ARHGEF28: variants seen among roughly 807,000 people sequenced by gnomAD.
ARHGEF28 encodes the protein Rho guanine nucleotide exchange factor 28, also known as 190 kDa guanine nucleotide exchange factor.
ARHGEF28 carries 152 observed loss-of-function variants against 206.6 expected under a neutral mutation model. That is an observed-to-expected ratio of 0.74 (90% CI 0.64 to 0.84). ARHGEF28 has a LOEUF of 0.84. ARHGEF28 is among the 40% of genes least tolerant of loss of function. The pLI, the probability that ARHGEF28 is intolerant of heterozygous loss-of-function variation, is 0.00. For synonymous variants in ARHGEF28, 763 were observed against 776.4 expected (o/e 0.98, Z 0.29); for missense variants, 2,028 against 2,073.2 (o/e 0.98, Z 0.42).
chr5:73,752,942 T>C lies in ARHGEF28; in HGVS notation c.215T>C (p.Val72Ala). ...HGLQETVTVS[V>A]CLCSEGYSPV... ...CTTCAGGAGACGGTGACGGTATCTG[T>C]GTGCCTCTGCTCGGAAGGTTACTCT... The change falls in exon 4 of 36, where the codon GTG (valine) becomes GCG (alanine). Residue 72 changes from valine (V) to alanine (A), a missense_variant. Val to Ala is a moderately conservative substitution (Grantham distance 64). Coordinates refer to ENST00000513042, the MANE Select transcript of ARHGEF28 (RefSeq NM_001177693.2). 1 of 1,613,926 alleles carries C rather than the reference T, an allele frequency of 6.2e-7. No individual in the cohort carries two copies. Among genetic ancestry groups the C allele is most frequent in the South Asian group, 1.1e-5 (1 of 91,028 alleles).
At chr5:73,757,881 G>T (rs1393262096) in intron 4 of ARHGEF28, among the ~76,000 whole-genome samples, 2 of 151,956 alleles carry the variant, frequency 1.3e-5, no homozygotes, top group African/African-American at 4.8e-5. Context: ...TTATTTTTTT[G>T]TTTTGGGTTT....
intron 4 of ARHGEF28, among the ~76,000 whole-genome samples, chr5:73,761,301 T>C (rs1283718543): frequency 6.6e-6 from 1 of 152,214 alleles, no homozygotes; most frequent in East Asian, 1.9e-4. Flanking sequence ...GATTTCTTAA[T>C]GGGATTTGAA....
intron 2 of ARHGEF28, among the ~76,000 whole-genome samples, chr5:73,748,126 C>A (rs532952820): frequency 6.6e-6 from 1 of 152,170 alleles, no homozygotes; most frequent in East Asian, 1.9e-4. Flanking sequence ...GCTGTTCTTC[C>A]TTTTTTAGGA....
At chr5:73,661,029 C>A (rs1431172996) in intron 1 of ARHGEF28, among the ~76,000 whole-genome samples, 2 of 152,198 alleles carry the variant, frequency 1.3e-5, no homozygotes, top group Non-Finnish European at 2.9e-5. Context: ...GGCATTGACA[C>A]CTCCTCCTTA....
chr5:73,858,493 AGCTGAT>A (rs1245470560), intron 16 of ARHGEF28, among the ~76,000 whole-genome samples: 1 of 152,096 alleles, frequency 6.6e-6, no homozygotes, highest in African/African-American at 2.4e-5. Flanking sequence ...CTCACCTAAA[AGCTGAT>A]GCTCTCGGCC....
chr5:73,899,124 C>A (rs1177117356), intron 30 of ARHGEF28: 1 of 151,926 alleles, frequency 6.6e-6, no homozygotes, highest in Non-Finnish European at 1.5e-5. Context: ...TTATCTAATC[C>A]TGAGTTTCTA....
chr5:73,786,842 G>A lies in ARHGEF28; in HGVS notation c.910+6097G>A, dbSNP rs181851382. ...ACACACGCCTATGGTGGATTCAATG[G>A]TAAAGATACGTGTTTTGAGATACCA... On this transcript the variant is annotated intron_variant, in intron 7 of 35. Transcript: ENST00000513042. Among the ~76,000 whole-genome samples, 623 of 152,308 alleles carry A rather than the reference G, an allele frequency of 4.1e-3. 6 individuals carry two copies. Among genetic ancestry groups the A allele is most frequent in the Middle Eastern group, 6.8e-3 (2 of 294 alleles).
At chr5:73,811,597 A>C (rs752993842) in intron 9 of ARHGEF28, among the ~76,000 whole-genome samples, 9 of 152,214 alleles carry the variant, frequency 5.9e-5, no homozygotes, top group Non-Finnish European at 1.2e-4. Context: ...ATCCATATGG[A>C]CTAAAACTCT....
chr5:73,911,545 C>T lies in ARHGEF28; in HGVS notation c.4918C>T (p.His1640Tyr), dbSNP rs757446219. The T allele has an allele frequency of 1.2e-6, 2 of 1,610,460 alleles. No individual in the cohort carries two copies. Among genetic ancestry groups the T allele is most frequent in the Non-Finnish European group, 1.7e-6 (2 of 1,178,084 alleles). ...TTCCGGCCATCAGATACTTCCTTTC[C>T]ATGAAAGCAGCAAGGATTCTTGTAA... ...AGSGHQILPF[H>Y]ESSKDSCKND... The change falls in exon 35 of 36, where the codon CAT becomes TAT. Residue 1640 changes from histidine to tyrosine, a missense_variant. His to Tyr is a moderately conservative substitution (Grantham distance 83, BLOSUM62 2). Transcript: ENST00000513042.
chr5:73,670,991 G>C (rs960276799), intron 1 of ARHGEF28, among the ~76,000 whole-genome samples: 1 of 151,684 alleles, frequency 6.6e-6, no homozygotes, highest in African/African-American at 2.4e-5. Context: ...AGCATTCTTA[G>C]CCTTTTTTTT....
rs141973469 is a variant in ARHGEF28 at position 73,874,953 on chromosome 5, C to T, written c.2814+1707C>T. Among the ~76,000 whole-genome samples the T allele has an allele frequency of 2.7e-3, 412 of 152,128 alleles. 11 individuals are homozygous for T. In the East Asian group the frequency reaches 0.072, roughly 27 times the overall value. ...ATATCCAGTGATGGGATGGCTGGGT[C>T]AGATGGTATTTGTAGTTCTAGATCC... On this transcript the variant is annotated intron_variant, in intron 22 of 35. Transcript: ENST00000513042.
At chr5:73,779,863 C>G (rs760775323) in intron 6 of ARHGEF28, among the ~76,000 whole-genome samples, 5 of 152,060 alleles carry the variant, frequency 3.3e-5, no homozygotes, top group African/African-American at 9.7e-5. Context: ...TTTTATATTC[C>G]TTTTACTCCA....
rs1364181337 is a variant in ARHGEF28 at position 73,909,641 on chromosome 5, C to T, written c.4391C>T (p.Ala1464Val). 4.5e-6 allele frequency: 7 copies of T among 1,548,330 alleles called. No individual in the cohort carries two copies. The highest frequency in any genetic ancestry group is 1.4e-5 in the African/African-American group (1 of 73,034). The change falls in exon 34 of 36, where the codon GCG becomes GTG. Residue 1464 changes from alanine (A) to valine (V), a missense_variant. By Grantham distance (64) the Ala-to-Val change is moderately conservative (BLOSUM62 0). This residue lies in a region of ARHGEF28 where 803 missense variants were observed against 768.0 expected (regional missense o/e 1.05). Coordinates refer to ENST00000513042, the MANE Select transcript of ARHGEF28 (RefSeq NM_001177693.2). ...CGCAGGTGTGAGCAGCAGCAGCGGG[C>T]GCAGGCGACCAGGGAGAGCTGGCTG... is the stretch of plus-strand genomic sequence containing the variant. ...WLRRCEQQQR[A>V]QATRESWLQE...
Position 73,776,825 on chromosome 5 carries a change from T to G in ARHGEF28, c.840+129T>G. On this transcript the variant is annotated intron_variant, in intron 6 of 35. Coordinates refer to ENST00000513042, the MANE Select transcript of ARHGEF28 (RefSeq NM_001177693.2). ...TAATGAAACCTTGGGGGACATGAAA[T>G]TGGAAACTGCATTAGATCAGTAGAA... 3 of 693,940 alleles carry G rather than the reference T, an allele frequency of 4.3e-6. No homozygotes were observed. In the South Asian group the frequency reaches 1.0e-4, roughly 23 times the overall value. The allele number at this position is 693,940 out of a possible 1,614,324, so 43.0% of individuals were successfully genotyped here.
chr5:73,758,456 C>T (rs1029321426), intron 4 of ARHGEF28, among the ~76,000 whole-genome samples: 5 of 152,204 alleles, frequency 3.3e-5, no homozygotes, highest in Non-Finnish European at 5.9e-5. Flanking sequence ...TTCATGTGAT[C>T]AAAGGTCTCC....
chr5:73,928,994 G>A (rs970210609), intron 35 of ARHGEF28, among the ~76,000 whole-genome samples: 10 of 151,994 alleles, frequency 6.6e-5, no homozygotes, highest in Admixed American at 1.3e-4. Flanking sequence ...GGAGTGTAGC[G>A]GTGTGATCTC....
At chr5:73,737,405 T>C (rs903174480) in intron 2 of ARHGEF28, among the ~76,000 whole-genome samples, 11 of 151,464 alleles carry the variant, frequency 7.3e-5, no homozygotes, top group Admixed American at 3.3e-4. Flanking sequence ...CCCACTGCCG[T>C]TGTTTTTGTT....
Position 73,892,193 on chromosome 5 carries a change from A to G in ARHGEF28, c.3529A>G (p.Asn1177Asp). Residue 1177 changes from asparagine to aspartate, a missense_variant, in exon 27 of 36, where the codon AAT (asparagine) becomes GAT (aspartate). Transcript: ENST00000513042. The part of the protein sequence containing the change: ...EIHTNSKEER[N>D]NWMRRIQQAV... ...TCACACCAATTCCAAGGAGGAACGC[A>G]ATAACTGGATGAGACGGATCCAGCA... 6.4e-6 allele frequency: 10 copies of G among 1,574,766 alleles called. No homozygotes were observed. Among genetic ancestry groups the G allele is most frequent in the Non-Finnish European group, 8.6e-6 (10 of 1,158,512 alleles).
chr5:73,754,749 C>A (rs1196756303), intron 4 of ARHGEF28, among the ~76,000 whole-genome samples: 1 of 151,958 alleles, frequency 6.6e-6, no homozygotes, highest in African/African-American at 2.4e-5. Flanking sequence ...CAGGCTGGAG[C>A]GCAGTGGCAC....
Sources: allele counts gnomAD v4.1 joint callset (sites outside exome capture counted in the v4.1 genomes callset), GRCh38; gene constraint gnomAD v4.1.1; regional missense constraint gnomAD v4.1.1; transcripts MANE v1.5; gene names NCBI Gene and HGNC (gene_info 2026-07-23, HGNC 2026-07-21).